Variants in ATG7 observed in about 807,000 individuals in gnomAD.
The protein encoded by ATG7 is ubiquitin-like modifier-activating enzyme ATG7.
In ATG7, 70 loss-of-function variants were observed where a neutral mutation model predicts 82.4. The observed-to-expected ratio is 0.85, with a 90% CI of 0.70 to 1.04. The LOEUF (loss-of-function observed/expected upper bound fraction) is 1.04, where lower values mean the gene tolerates loss of function less well. ATG7 is among the 50% of genes least tolerant of loss of function. ATG7 has a pLI of 0.00. For synonymous variants in ATG7, 287 were observed against 313.0 expected (o/e 0.92, Z 0.88); for missense variants, 792 against 864.3 (o/e 0.92, Z 1.05).
intron 19 of ATG7, among the ~76,000 whole-genome samples, chr3:11,383,639 AG>A (rs980160641): frequency 6.6e-6 from 1 of 152,266 alleles, no homozygotes; most frequent in Non-Finnish European, 1.5e-5. Context: ...TAGTAGAGAC[AG>A]GGTTTCACTC....
intron 20 of ATG7, among the ~76,000 whole-genome samples, chr3:11,458,826 G>C (rs999465841): frequency 2.0e-5 from 3 of 152,192 alleles, no homozygotes; most frequent in East Asian, 3.9e-4. Flanking sequence ...TTAGGAACCC[G>C]ATCGCGCAGC....
chr3:11,434,558 G>A (rs1040658184), intron 20 of ATG7, among the ~76,000 whole-genome samples: 1 of 152,214 alleles, frequency 6.6e-6, no homozygotes, highest in African/African-American at 2.4e-5. Flanking sequence ...TTACTTCTTA[G>A]ATTGGAAACT....
chr3:11,556,896 C>CCTCCACTTTTCAAAGGCCTGCAGCCACT lies in ATG7; in HGVS notation c.*2056_*2083dup, dbSNP rs2072474554. ...GGGGCAAGGAGAAGGGCTTTTCTTTCCTCCACTTTTCAAAGGCCTGCAGCC... is the reference window on the plus strand; with the variant it reads ...GGGGCAAGGAGAAGGGCTTTTCTTTCCTCCACTTTTCAAAGGCCTGCAGCCACTCTCCACTTTTCAAAGGCCTGCAGCC... On this transcript the variant is annotated 3_prime_UTR_variant, in exon 21 of 21. Coordinates refer to ENST00000693202, the MANE Select transcript of ATG7 (RefSeq NM_001349232.2). The CCTCCACTTTTCAAAGGCCTGCAGCCACT allele has an allele frequency of 6.5e-6, 1 of 152,792 alleles. No homozygotes were observed. Among genetic ancestry groups the CCTCCACTTTTCAAAGGCCTGCAGCCACT allele is most frequent in the Non-Finnish European group, 1.5e-5 (1 of 68,058 alleles). 9.5% of individuals were successfully genotyped at this position (152,792 alleles called of 1,614,324 possible).
chr3:11,297,551 G>T (rs562499813), intron 3 of ATG7, among the ~76,000 whole-genome samples: 17 of 152,100 alleles, frequency 1.1e-4, no homozygotes, highest in African/African-American at 4.1e-4. Flanking sequence ...ATTATAGAAA[G>T]TTACAGTATA....
rs770350505 is a variant in ATG7, at chr3:11,315,384, CAGA to C, written c.572_574del (p.Glu191del). 2 of 1,609,778 alleles carry C rather than the reference CAGA, an allele frequency of 1.2e-6. No homozygotes were observed. The highest frequency in any genetic ancestry group is 1.7e-6 in the Non-Finnish European group (2 of 1,178,378). On this transcript the variant is annotated inframe_deletion, in exon 9 of 21. Transcript: ENST00000693202. The stretch of plus-strand genomic sequence containing the variant: ...TGTGCATATGATAATCTTTGTCAAA[CAGA>C]AGGAGTCACAGCTCTTCCTTACTTC...
Position 11,372,821 on chromosome 3 carries a change from CGTGTGCGTGT to C in ATG7, c.1876-7141_1876-7132del, listed in dbSNP as rs1267002156. Among the ~76,000 whole-genome samples, 96 of 125,282 alleles carry C rather than the reference CGTGTGCGTGT, an allele frequency of 7.7e-4. 2 individuals carry two copies. Among genetic ancestry groups the C allele is most frequent in the South Asian group, 4.0e-3 (17 of 4,258 alleles). The allele number at this position is 125,282 out of a possible 152,430, so 82.2% of individuals were successfully genotyped here. A position where few individuals can be genotyped will look rare whatever the true frequency, so the allele number is the denominator to read the frequency against. On this transcript the variant is annotated intron_variant, in intron 18 of 20. Transcript: ENST00000693202. ...GGCTGGGTGTGTGTGTGTGTGCGCG[CGTGTGCGTGT>C]GTGTGCGTGCGTGCGTGTGCGTGTG... is the stretch of plus-strand genomic sequence containing the variant.
chr3:11,405,334 A>T (rs1435523609), intron 19 of ATG7, among the ~76,000 whole-genome samples: 3 of 152,046 alleles, frequency 2.0e-5, no homozygotes, highest in African/African-American at 7.2e-5. Flanking sequence ...ATTATGTGTT[A>T]CTGATGTTCA....
At position 11,556,391 on chromosome 3, in the gene ATG7, CA is replaced by C. The variant is rs1200817750; in HGVS notation, c.*1549del. 6.5e-6 allele frequency: 1 copy of C among 152,912 alleles called. No individual in the cohort carries two copies. The highest frequency in any genetic ancestry group is 1.5e-5 in the Non-Finnish European group (1 of 68,200). The allele number at this position is 152,912 out of a possible 1,614,324, so 9.5% of individuals were successfully genotyped here. On this transcript the variant is annotated 3_prime_UTR_variant, in exon 21 of 21. Coordinates refer to ENST00000693202, the MANE Select transcript of ATG7 (RefSeq NM_001349232.2). ...AGTGCACCAGGGACCCGGCCGCCAG[CA>C]CCGCCGACCCCTCCCAGAGTGACGC... is the stretch of plus-strand genomic sequence containing the variant.
intron 20 of ATG7, among the ~76,000 whole-genome samples, chr3:11,469,981 T>C: frequency 1.3e-5 from 1 of 75,316 alleles, no homozygotes; most frequent in African/African-American, 6.7e-5. Flanking sequence ...GGAACGAGAC[T>C]CCATCTCAAA....
At chr3:11,346,727 C>T (rs1052873001) in intron 13 of ATG7, among the ~76,000 whole-genome samples, 2 of 152,152 alleles carry the variant, frequency 1.3e-5, no homozygotes, top group African/African-American at 4.8e-5. Flanking sequence ...ATAAACATTC[C>T]CAAAGCAAGC....
chr3:11,479,373 A>G (rs2088654736), intron 20 of ATG7, among the ~76,000 whole-genome samples: 1 of 152,176 alleles, frequency 6.6e-6, no homozygotes. Context: ...AAGTATTTTC[A>G]TTTTATAGAG....
chr3:11,533,013 G>A (rs566093142), intron 20 of ATG7, among the ~76,000 whole-genome samples: 8 of 152,178 alleles, frequency 5.3e-5, no homozygotes, highest in Non-Finnish European at 8.8e-5. Flanking sequence ...ACAGGGTGGC[G>A]AGGAGAAGCA....
chr3:11,335,982 C>T (rs548285057), intron 11 of ATG7, among the ~76,000 whole-genome samples: 22 of 151,980 alleles, frequency 1.4e-4, no homozygotes, highest in African/African-American at 3.4e-4. Flanking sequence ...CAGATCCACC[C>T]GCCTCGGCCT....
At chr3:11,335,727 T>G (rs1440219805) in intron 11 of ATG7, among the ~76,000 whole-genome samples, 1 of 152,220 alleles carries the variant, frequency 6.6e-6, no homozygotes, top group African/African-American at 2.4e-5. Flanking sequence ...GACAGAGTCT[T>G]GCCCTGTCGC....
At chr3:11,459,682 G>T (rs773356008) in intron 20 of ATG7, among the ~76,000 whole-genome samples, 1 of 152,114 alleles carries the variant, frequency 6.6e-6, no homozygotes, top group Non-Finnish European at 1.5e-5. Context: ...AAATATACTG[G>T]CACAATTCTA....
chr3:11,277,332 A>G (rs1375673422), intron 1 of ATG7: 1 of 152,226 alleles, frequency 6.6e-6, no homozygotes, highest in East Asian at 1.9e-4. Flanking sequence ...GCCTGCTTTT[A>G]TGGCATGGTC....
At chr3:11,470,887 G>A (rs868330397) in intron 20 of ATG7, among the ~76,000 whole-genome samples, 1 of 151,858 alleles carries the variant, frequency 6.6e-6, no homozygotes, top group Non-Finnish European at 1.5e-5. Flanking sequence ...TATTACTCTC[G>A]TTCAGTCTTT....
At chr3:11,496,782 TAAAG>T (rs1272797169) in intron 20 of ATG7, among the ~76,000 whole-genome samples, 1 of 152,072 alleles carries the variant, frequency 6.6e-6, no homozygotes, top group African/African-American at 2.4e-5. Context: ...AAAAGAAAAA[TAAAG>T]CTGTTAATAC....
chr3:11,450,739 C>T (rs1338203841), intron 20 of ATG7, among the ~76,000 whole-genome samples: 1 of 152,192 alleles, frequency 6.6e-6, no homozygotes, highest in Non-Finnish European at 1.5e-5. Context: ...CACATGGGCC[C>T]TGCTACCGTT....
Sources: gnomAD v4.1 joint callset for allele counts (sites outside exome capture counted in the v4.1 genomes callset) on GRCh38, gnomAD v4.1.1 for gene constraint, MANE v1.5 for transcripts, NCBI Gene and HGNC (gene_info 2026-07-23, HGNC 2026-07-21) for gene names.